ARHGEF4: variants seen among roughly 807,000 people sequenced by gnomAD.
ARHGEF4 encodes APC-stimulated guanine nucleotide exchange factor 1.
Under a neutral mutation model 162.0 loss-of-function variants are expected in ARHGEF4, and 119 were observed. The observed-to-expected ratio is 0.73, with a 90% CI of 0.63 to 0.86. ARHGEF4 has a LOEUF of 0.86. ARHGEF4 is among the 40% of genes least tolerant of loss of function. The pLI, the probability that ARHGEF4 is intolerant of heterozygous loss-of-function variation, is 0.00. For missense variants in ARHGEF4, 2,488 were observed against 2,456.0 expected, an observed-to-expected ratio of 1.01 and a Z score of -0.28; for synonymous variants, 1,014 against 979.9, an observed-to-expected ratio of 1.03 and a Z score of -0.65.
At chr2:130,923,644 G>T (rs946326282) in intron 2 of ARHGEF4, among the ~76,000 whole-genome samples, 1 of 152,176 alleles carries the variant, frequency 6.6e-6, no homozygotes, top group Non-Finnish European at 1.5e-5. Flanking sequence ...ATTAGTGAGC[G>T]AGTAAGATCA....
At chr2:130,872,448 CCCCAGGCCCCCTG>C (rs1230295469) in intron 1 of ARHGEF4, among the ~76,000 whole-genome samples, 7 of 152,102 alleles carry the variant, frequency 4.6e-5, no homozygotes, top group Non-Finnish European at 1.0e-4. Context: ...AGCAGGGTCC[CCCCAGGCCCCCTG>C]CCCAGGCCCC....
intron 1 of ARHGEF4, among the ~76,000 whole-genome samples, chr2:130,848,275 C>T (rs1681139502): frequency 6.6e-6 from 1 of 152,194 alleles, no homozygotes; most frequent in South Asian, 2.1e-4. Context: ...AGGATCGCGT[C>T]TGAACCACCT....
At chr2:130,967,214 G>C (rs945751451) in intron 4 of ARHGEF4, among the ~76,000 whole-genome samples, 1 of 152,170 alleles carries the variant, frequency 6.6e-6, no homozygotes, top group Admixed American at 6.5e-5. Flanking sequence ...GCTCTGTGTT[G>C]GCATTTCCAC....
chr2:130,853,696 G>A (rs901542491), intron 1 of ARHGEF4, among the ~76,000 whole-genome samples: 3 of 152,178 alleles, frequency 2.0e-5, no homozygotes, highest in Non-Finnish European at 2.9e-5. Flanking sequence ...GGTGCGGTCT[G>A]CCCCTCTCCA....
intron 4 of ARHGEF4, among the ~76,000 whole-genome samples, chr2:130,948,333 G>C (rs1431624613): frequency 2.6e-5 from 4 of 152,212 alleles, no homozygotes; most frequent in Non-Finnish European, 5.9e-5. Flanking sequence ...CCCACATAAA[G>C]TTGTGATCTT....
intron 4 of ARHGEF4, among the ~76,000 whole-genome samples, chr2:131,021,701 T>C (rs1689149357): frequency 6.6e-6 from 1 of 152,260 alleles, no homozygotes; most frequent in African/African-American, 2.4e-5. Flanking sequence ...TACAGTACTA[T>C]GTTGAATAGA....
At chr2:130,924,517 C>T (rs6704924) in intron 2 of ARHGEF4, among the ~76,000 whole-genome samples, 6,272 of 152,226 alleles carry the variant, frequency 0.041, 426 homozygotes, top group African/African-American at 0.14. Context: ...CCGCCCAGAC[C>T]GTGGAGTATT....
intron 1 of ARHGEF4, among the ~76,000 whole-genome samples, chr2:130,859,519 C>A (rs1681928524): frequency 9.9e-5 from 1 of 10,082 alleles, no homozygotes; most frequent in Admixed American, 1.5e-3. Flanking sequence ...GAGGCCAAGG[C>A]AGGAGGGTTA....
rs555711756 is a variant in ARHGEF4 at position 130,922,491 on chromosome 2, A to G, written c.3552+4993A>G. ...AGAGAGGCTCAAATTTTTTAAAGAA[A>G]AAAAGGAGGAATCAGGAGAGGGAGT... On this transcript the variant is annotated intron_variant, in intron 2 of 13. Coordinates refer to ENST00000409359, the MANE Select transcript of ARHGEF4 (RefSeq NM_001367493.1). Among the ~76,000 whole-genome samples the G allele has an allele frequency of 1.1e-4, 16 of 152,346 alleles. No individual in the cohort carries two copies. The South Asian group carries it at 3.1e-3, about 30-fold the overall frequency.
At chr2:130,992,017 C>T (rs1371627663) in intron 4 of ARHGEF4, among the ~76,000 whole-genome samples, 1 of 152,198 alleles carries the variant, frequency 6.6e-6, no homozygotes, top group Non-Finnish European at 1.5e-5. Flanking sequence ...AGTCAGCACC[C>T]TGTGTCTAGC....
At chr2:131,011,933 G>T (rs1408486734) in intron 4 of ARHGEF4, 15 of 701,728 alleles carry the variant, frequency 2.1e-5, no homozygotes, top group Non-Finnish European at 3.6e-5. Context: ...GATGAAAAAT[G>T]GTTGGATTCT....
In ARHGEF4 at chr2:130,953,044, G is replaced by A. The variant is rs187887397; in HGVS notation, c.3985+6409G>A. On this transcript the variant is annotated intron_variant, in intron 4 of 13. Coordinates refer to ENST00000409359, the MANE Select transcript of ARHGEF4 (RefSeq NM_001367493.1). The stretch of plus-strand genomic sequence containing the variant: ...TACCAATGACTTTCTTCACAGAATT[G>A]GAAAAAATTACTTTAAAGTTCATAT... Among the ~76,000 whole-genome samples the A allele has an allele frequency of 3.3e-5, 5 of 151,982 alleles. No individual in the cohort carries two copies. In the East Asian group the frequency reaches 9.7e-4, roughly 29 times the overall value.
intron 4 of ARHGEF4, among the ~76,000 whole-genome samples, chr2:130,981,673 G>GCA (rs1686130620): frequency 6.8e-6 from 1 of 146,280 alleles, no homozygotes; most frequent in East Asian, 2.0e-4. Flanking sequence ...AAAAAAAAAA[G>GCA]AAAAAAAAGA....
At chr2:130,876,460 C>T (rs1371405423) in intron 1 of ARHGEF4, among the ~76,000 whole-genome samples, 8 of 152,136 alleles carry the variant, frequency 5.3e-5, no homozygotes, top group South Asian at 2.1e-4. Context: ...GGCGCGATCT[C>T]GGCTCACTGC....
intron 4 of ARHGEF4, among the ~76,000 whole-genome samples, chr2:130,959,591 A>G (rs947291232): frequency 6.6e-6 from 1 of 152,258 alleles, no homozygotes; most frequent in African/African-American, 2.4e-5. Flanking sequence ...TGCTTAATAA[A>G]TACCAGCTAA....
chr2:131,005,074 T>A (rs1320004102), intron 4 of ARHGEF4, among the ~76,000 whole-genome samples: 1 of 152,146 alleles, frequency 6.6e-6, no homozygotes, highest in East Asian at 1.9e-4. Context: ...GGCTGAGGGC[T>A]GTATGGTGGT....
At position 131,027,929 on chromosome 2, in the gene ARHGEF4, C is replaced by T; in HGVS notation, c.3986-16C>T. The T allele has an allele frequency of 6.2e-7, 1 of 1,613,392 alleles. No homozygotes were observed. The highest frequency in any genetic ancestry group is 1.1e-5 in the South Asian group (1 of 91,030). ...CAGCCCAGCCCCCTTTGCCCAGCTGCTGTCTCTCCTTCCAGCCATGCCTGA... is the reference window on the plus strand; with the variant it reads ...CAGCCCAGCCCCCTTTGCCCAGCTGTTGTCTCTCCTTCCAGCCATGCCTGA... On this transcript the variant is annotated splice_polypyrimidine_tract_variant and intron_variant, in intron 4 of 13. Coordinates refer to ENST00000409359, the MANE Select transcript of ARHGEF4 (RefSeq NM_001367493.1).
At chr2:130,945,075 T>C (rs577760336) in intron 3 of ARHGEF4, among the ~76,000 whole-genome samples, 10 of 152,126 alleles carry the variant, frequency 6.6e-5, no homozygotes, top group Non-Finnish European at 1.0e-4. Flanking sequence ...TACCCCATGG[T>C]TCAGTTCCCA....
intron 5 of ARHGEF4, chr2:131,034,959 C>G: frequency 3.1e-6 from 3 of 982,750 alleles, no homozygotes; most frequent in Non-Finnish European, 3.6e-6. Context: ...GCCGCGCGCA[C>G]GGCGCCGGCT....
Sources: allele counts gnomAD v4.1 joint callset (sites outside exome capture counted in the v4.1 genomes callset), GRCh38; gene constraint gnomAD v4.1.1; transcripts MANE v1.5; gene names NCBI Gene and HGNC (gene_info 2026-07-23, HGNC 2026-07-21).